Variants in APP observed in about 807,000 individuals in gnomAD.
APP encodes the protein amyloid-beta precursor protein.
In APP, 31 loss-of-function variants were observed where a neutral mutation model predicts 101.4. The observed-to-expected ratio is 0.31, with a 90% confidence interval of 0.23 to 0.41. APP has a LOEUF of 0.41. Among genes scored for constraint, APP ranks in the 10% least tolerant of loss-of-function variants. The pLI is 1.00. For missense variants in APP, 839 were observed against 1,003.7 expected (o/e 0.84, Z 2.22); for synonymous variants, 366 against 364.4 (o/e 1.00, Z -0.05).
chr21:26,086,449 AG>A (rs2061705384), intron 3 of APP, among the ~76,000 whole-genome samples: 1 of 152,124 alleles, frequency 6.6e-6, no homozygotes, highest in African/African-American at 2.4e-5. Flanking sequence ...TCTGATAAAG[AG>A]GTTAGGAAGG....
intron 3 of APP, among the ~76,000 whole-genome samples, chr21:26,060,487 G>C (rs2046228798): frequency 6.6e-6 from 1 of 152,170 alleles, no homozygotes; most frequent in African/African-American, 2.4e-5. Context: ...TTATGTCTCA[G>C]TGCTAAGAAT....
chr21:25,954,084 A>AT (rs1163461737), intron 13 of APP, among the ~76,000 whole-genome samples: 3 of 152,166 alleles, frequency 2.0e-5, no homozygotes, highest in Non-Finnish European at 4.4e-5. Context: ...CTTACTGAAT[A>AT]TAACAATAAC....
intron 3 of APP, among the ~76,000 whole-genome samples, chr21:26,056,527 C>T (rs1485864859): frequency 6.6e-6 from 1 of 152,180 alleles, no homozygotes; most frequent in African/African-American, 2.4e-5. Flanking sequence ...CAAACTACTA[C>T]TTGTGGACCA....
At chr21:26,146,053 A>G (rs2063148309) in intron 1 of APP, among the ~76,000 whole-genome samples, 1 of 152,234 alleles carries the variant, frequency 6.6e-6, no homozygotes, top group African/African-American at 2.4e-5. Flanking sequence ...ATTCTAAATG[A>G]CTGATCTAAA....
chr21:25,907,193 A>C (rs1223762877), intron 14 of APP, among the ~76,000 whole-genome samples: 1 of 152,236 alleles, frequency 6.6e-6, no homozygotes, highest in Non-Finnish European at 1.5e-5. Context: ...AAAAACAATA[A>C]TAAAACCCTA....
intron 9 of APP, among the ~76,000 whole-genome samples, chr21:25,977,480 T>C (rs1405492005): frequency 6.6e-6 from 1 of 152,210 alleles, no homozygotes; most frequent in Non-Finnish European, 1.5e-5. Flanking sequence ...CTAACATACT[T>C]CAAGATGGGA....
At position 26,170,630 on chromosome 21, in the gene APP, G is replaced by C. The variant is rs2063726623; in HGVS notation, c.-10C>G. The stretch of plus-strand genomic sequence containing the variant: ...CCAAACCGGGCAGCATCGCGACCCT[G>C]CGCGGGGCACCGAGTGCGCTGCTGT... On this transcript the variant is annotated 5_prime_UTR_variant, in exon 1 of 18. Coordinates refer to ENST00000346798, the MANE Select transcript of APP (RefSeq NM_000484.4). 3 of 1,533,680 alleles carry C rather than the reference G, an allele frequency of 2.0e-6. No homozygotes were observed. Among genetic ancestry groups the C allele is most frequent in the Admixed American group, 2.0e-5 (1 of 50,740 alleles).
At chr21:26,154,035 T>C (rs895534665) in intron 1 of APP, among the ~76,000 whole-genome samples, 3 of 152,312 alleles carry the variant, frequency 2.0e-5, no homozygotes, top group Middle Eastern at 3.4e-3. Context: ...CAACCCTCCA[T>C]GTCAGGCAGT....
At chr21:25,935,070 T>C (rs1438822968) in intron 13 of APP, 1 of 152,158 alleles carries the variant, frequency 6.6e-6, no homozygotes, top group African/African-American at 2.4e-5. Context: ...TCCTCTCCAA[T>C]AAGCCAGAAG....
At chr21:25,904,348 C>A (rs1425855021) in intron 15 of APP, among the ~76,000 whole-genome samples, 1 of 152,076 alleles carries the variant, frequency 6.6e-6, no homozygotes, top group Non-Finnish European at 1.5e-5. Context: ...GTTTGTGAAA[C>A]TGTAAAAAAA....
intron 5 of APP, among the ~76,000 whole-genome samples, chr21:26,042,691 C>T (rs1323110517): frequency 2.0e-5 from 3 of 151,720 alleles, no homozygotes; most frequent in Admixed American, 6.6e-5. Context: ...CACTTGAGGC[C>T]AGGAGTTTGA....
rs551462728 is a variant in APP, at chr21:26,121,854, T to C, written c.58-9708A>G. Among the ~76,000 whole-genome samples, 10 of 152,274 alleles carry C rather than the reference T, an allele frequency of 6.6e-5. 1 individual carries two copies. Among genetic ancestry groups the C allele is most frequent in the African/African-American group, 2.2e-4 (9 of 41,558 alleles). On this transcript the variant is annotated intron_variant, in intron 1 of 17. Transcript: ENST00000346798. ...TATTTTTCCCCTCTATTTCTTCTCA[T>C]TGACCCACTGCAATGTTGACCCACT...
At chr21:25,997,457 G>A (rs376107689) in intron 7 of APP, 41 bp from the exon 8 acceptor site, 13 of 1,529,372 alleles carry the variant, frequency 8.5e-6, no homozygotes, top group Non-Finnish European at 1.2e-5. Flanking sequence ...AACAAAAAGA[G>A]AAACATGGGA....
intron 6 of APP, among the ~76,000 whole-genome samples, chr21:26,007,244 T>C (rs1425379748): frequency 2.0e-5 from 3 of 151,386 alleles, no homozygotes; most frequent in African/African-American, 7.2e-5. Flanking sequence ...TAATTTATTT[T>C]TGTAATAAGT....
chr21:26,001,400 C>G (rs1024098001), intron 6 of APP, among the ~76,000 whole-genome samples: 2 of 152,194 alleles, frequency 1.3e-5, no homozygotes, highest in African/African-American at 4.8e-5. Context: ...AGACTGACGC[C>G]TTAGCACACA....
chr21:25,958,424 G>C (rs6516715), intron 11 of APP, among the ~76,000 whole-genome samples: 3 of 151,844 alleles, frequency 2.0e-5, no homozygotes, highest in Admixed American at 6.6e-5. Context: ...CTACAGGCAC[G>C]TGCCACCATG....
chr21:25,939,720 G>C (rs960851895), intron 13 of APP, among the ~76,000 whole-genome samples: 2 of 152,100 alleles, frequency 1.3e-5, no homozygotes, highest in Non-Finnish European at 2.9e-5. Context: ...AAACTGTTCA[G>C]GTTGATTCTT....
At chr21:26,169,672 G>A (rs938810946) in intron 1 of APP, among the ~76,000 whole-genome samples, 2 of 152,248 alleles carry the variant, frequency 1.3e-5, no homozygotes, top group Non-Finnish European at 2.9e-5. Flanking sequence ...GCGCAGCCCC[G>A]GGAAGGGAGC....
chr21:26,028,310 T>C (rs932336767), intron 5 of APP, among the ~76,000 whole-genome samples: 1 of 152,128 alleles, frequency 6.6e-6, no homozygotes, highest in East Asian at 1.9e-4. Flanking sequence ...TTATTCTGAG[T>C]GAGACAATTC....
Sources: allele counts gnomAD v4.1 joint callset (sites outside exome capture counted in the v4.1 genomes callset), GRCh38; gene constraint gnomAD v4.1.1; transcripts MANE v1.5; gene names NCBI Gene and HGNC (gene_info 2026-07-23, HGNC 2026-07-21).